The following FNDC3B variants were observed in gnomAD, a reference collection of about 807,000 sequenced individuals.
FNDC3B encodes fibronectin type III domain containing 3B.
In FNDC3B, 12 loss-of-function variants were observed where a neutral mutation model predicts 151.5. That is an observed-to-expected ratio of 0.08 (90% CI 0.05 to 0.13). FNDC3B has a LOEUF of 0.13. FNDC3B is among the 10% of genes least tolerant of loss of function. The pLI is 1.00. For missense variants in FNDC3B, 1,214 were observed against 1,505.3 expected (o/e 0.81, Z 3.20); for synonymous variants, 528 against 549.0 (o/e 0.96, Z 0.54).
intron 1 of FNDC3B, among the ~76,000 whole-genome samples, chr3:172,055,728 G>C (rs1054817447): frequency 6.6e-6 from 1 of 152,094 alleles, no homozygotes; most frequent in African/African-American, 2.4e-5. Flanking sequence ...ACAGGCGATG[G>C]CTAGGGAAGG....
At chr3:172,179,993 A>G (rs1723806853) in intron 3 of FNDC3B, among the ~76,000 whole-genome samples, 1 of 152,022 alleles carries the variant, frequency 6.6e-6, no homozygotes. Flanking sequence ...ACAGTTGTCA[A>G]TCATAATTTT....
chr3:172,345,301 G>T (rs753163699), intron 19 of FNDC3B, among the ~76,000 whole-genome samples: 1 of 152,196 alleles, frequency 6.6e-6, no homozygotes, highest in Non-Finnish European at 1.5e-5. Flanking sequence ...AAGATGGATA[G>T]TGATGAGCAC....
intron 2 of FNDC3B, chr3:172,127,113 T>TA (rs895882661): frequency 4.4e-6 from 2 of 454,360 alleles, no homozygotes; most frequent in East Asian, 6.9e-5. Context: ...GCAGATTTGG[T>TA]AAAAAATTTT....
intron 2 of FNDC3B, among the ~76,000 whole-genome samples, chr3:172,125,326 C>G (rs1324965199): frequency 7.2e-6 from 1 of 138,232 alleles, no homozygotes; most frequent in East Asian, 1.9e-4. Context: ...TTCCGAAGCC[C>G]CAGTCCGGGT....
rs1398176903 is a variant in FNDC3B at position 172,337,356 on chromosome 3, G to C, written c.1807G>C (p.Glu603Gln). The change falls in exon 16 of 26, where the codon GAA becomes CAA. Residue 603 changes from glutamate to glutamine, a missense_variant. Physicochemically the swap from Glu to Gln is conservative, Grantham distance 29 (BLOSUM62 2). Around this residue, in one of 7 missense-constraint regions of FNDC3B, gnomAD observed 380 missense variants for 420.9 expected, o/e 0.90. Transcript: ENST00000415807. ...TCCCCCTAAGGACAATGGTGGTTCA[G>C]AAATCCTCAAGTACTTGCTAGAGAT... ...WDPPKDNGGSEILKYLLEITD... is the reference protein window; with the variant it reads ...WDPPKDNGGSQILKYLLEITD... 2.5e-6 allele frequency: 4 copies of C among 1,612,488 alleles called. No individual in the cohort carries two copies. The highest frequency in any genetic ancestry group is 3.4e-6 in the Non-Finnish European group (4 of 1,178,874).
At chr3:172,303,305 G>A (rs1254533700) in intron 9 of FNDC3B, among the ~76,000 whole-genome samples, 3 of 152,060 alleles carry the variant, frequency 2.0e-5, no homozygotes, top group Non-Finnish European at 4.4e-5. Flanking sequence ...CTAGTCATCC[G>A]CCTAAACAAT....
intron 1 of FNDC3B, among the ~76,000 whole-genome samples, chr3:172,089,092 C>T (rs1718686029): frequency 6.6e-6 from 1 of 152,118 alleles, no homozygotes; most frequent in Non-Finnish European, 1.5e-5. Flanking sequence ...TTTCAATGTC[C>T]TGTGAGCTCT....
intron 1 of FNDC3B, among the ~76,000 whole-genome samples, chr3:172,076,005 A>T (rs1401437425): frequency 6.6e-6 from 1 of 152,138 alleles, no homozygotes; most frequent in Non-Finnish European, 1.5e-5. Flanking sequence ...AACTATGGTT[A>T]GCTTGTTTGC....
chr3:172,043,179 A>T (rs908291696), intron 1 of FNDC3B, among the ~76,000 whole-genome samples: 1 of 152,096 alleles, frequency 6.6e-6, no homozygotes, highest in African/African-American at 2.4e-5. Context: ...GGGCTCCCAG[A>T]GTGCTGGAAT....
At chr3:172,338,861 G>A (rs912739044) in intron 16 of FNDC3B, among the ~76,000 whole-genome samples, 2 of 151,894 alleles carry the variant, frequency 1.3e-5, no homozygotes, top group Non-Finnish European at 2.9e-5. Context: ...CTCAGCCTCC[G>A]GAGTAGCTGG....
intron 1 of FNDC3B, among the ~76,000 whole-genome samples, chr3:172,069,662 T>C (rs904119500): frequency 8.5e-5 from 13 of 152,200 alleles, no homozygotes; most frequent in Admixed American, 8.5e-4. Context: ...CAGTGCCCTT[T>C]TGATGCTCTG....
chr3:172,072,798 T>A (rs765737371), intron 1 of FNDC3B, among the ~76,000 whole-genome samples: 3 of 152,196 alleles, frequency 2.0e-5, no homozygotes, highest in Admixed American at 6.5e-5. Flanking sequence ...CTCCCATCTA[T>A]GAAAATACAT....
intron 3 of FNDC3B, among the ~76,000 whole-genome samples, chr3:172,147,587 C>T (rs58732292): frequency 0.011 from 1,668 of 152,216 alleles, 28 homozygotes; most frequent in African/African-American, 0.037. Context: ...CAGGTAGTCT[C>T]GGTTCTCAAA....
intron 6 of FNDC3B, among the ~76,000 whole-genome samples, chr3:172,282,989 C>T (rs913885561): frequency 6.6e-6 from 1 of 152,218 alleles, no homozygotes; most frequent in Non-Finnish European, 1.5e-5. Flanking sequence ...AGTTCCTATC[C>T]ACCACTGTGA....
intron 3 of FNDC3B, among the ~76,000 whole-genome samples, chr3:172,197,641 A>T (rs878924847): frequency 6.6e-6 from 1 of 152,228 alleles, no homozygotes; most frequent in Non-Finnish European, 1.5e-5. Context: ...ACAATAATGC[A>T]GTCTTTTTCA....
At chr3:172,261,413 G>A (rs1003223180) in intron 6 of FNDC3B, among the ~76,000 whole-genome samples, 5 of 152,190 alleles carry the variant, frequency 3.3e-5, no homozygotes, top group Admixed American at 2.6e-4. Flanking sequence ...AAGAGGCAGG[G>A]TGTTGAACTT....
At chr3:172,045,809 C>CAT (rs1172001567) in intron 1 of FNDC3B, among the ~76,000 whole-genome samples, 9 of 150,636 alleles carry the variant, frequency 6.0e-5, no homozygotes, top group African/African-American at 2.2e-4. Context: ...TATATATATA[C>CAT]ACTTTGCCTT....
intron 16 of FNDC3B, among the ~76,000 whole-genome samples, 174 bp from the exon 17 acceptor site, chr3:172,340,939 A>G (rs188763705): frequency 1.3e-5 from 2 of 152,336 alleles, no homozygotes; most frequent in East Asian, 3.9e-4. Context: ...AAATGACTCA[A>G]TGTTATTTTG....
chr3:172,089,248 T>TA (rs1718693477), intron 1 of FNDC3B, among the ~76,000 whole-genome samples: 2 of 152,242 alleles, frequency 1.3e-5, no homozygotes, highest in Admixed American at 6.5e-5. Flanking sequence ...CCAAATTAAA[T>TA]ATTTGAATCA....
Sources: allele counts gnomAD v4.1 joint callset (sites outside exome capture counted in the v4.1 genomes callset), GRCh38; gene constraint gnomAD v4.1.1; regional missense constraint gnomAD v4.1.1; transcripts MANE v1.5; gene names NCBI Gene and HGNC (gene_info 2026-07-23, HGNC 2026-07-21).